The following CTNNAL1 variants were observed in gnomAD, a reference collection of about 807,000 sequenced individuals.
CTNNAL1 encodes catenin alpha like 1, also known as alpha-catulin.
A neutral mutation model predicts 93.6 loss-of-function variants in CTNNAL1; 69 were observed. That is an observed-to-expected ratio of 0.74 (90% confidence interval 0.61 to 0.90). The LOEUF (loss-of-function observed/expected upper bound fraction) is 0.90, where lower values mean the gene tolerates loss of function less well. CTNNAL1 is among the 40% of genes least tolerant of loss of function. The pLI, the probability that CTNNAL1 is intolerant of heterozygous loss-of-function variation, is 0.00. For missense variants in CTNNAL1, 836 were observed against 862.0 expected (o/e 0.97, Z 0.38); for synonymous variants, 286 against 305.4 (o/e 0.94, Z 0.66).
chr9:109,004,770 A>G (rs1435727885), intron 1 of CTNNAL1, among the ~76,000 whole-genome samples: 1 of 152,046 alleles, frequency 6.6e-6, no homozygotes, highest in Non-Finnish European at 1.5e-5. Context: ...CGGGTGACAG[A>G]GCGAGACTCT....
At chr9:109,001,621 G>A (rs1414164991) in intron 1 of CTNNAL1, among the ~76,000 whole-genome samples, 1 of 152,222 alleles carries the variant, frequency 6.6e-6, no homozygotes, top group Non-Finnish European at 1.5e-5. Flanking sequence ...AGGCACTCAA[G>A]CAACCCTATG....
intron 4 of CTNNAL1, among the ~76,000 whole-genome samples, chr9:108,988,037 T>C (rs1010685503): frequency 6.6e-6 from 1 of 152,218 alleles, no homozygotes; most frequent in South Asian, 2.1e-4. Flanking sequence ...TCCTGCCTAA[T>C]TGCCCTGGCC....
intron 8 of CTNNAL1, among the ~76,000 whole-genome samples, chr9:108,975,397 G>C (rs1487483202): frequency 6.6e-6 from 1 of 152,062 alleles, no homozygotes. Context: ...ATGAGAGTGA[G>C]AGTCCACTGT....
chr9:108,951,088 C>G (rs1830550227), intron 14 of CTNNAL1, among the ~76,000 whole-genome samples: 1 of 151,946 alleles, frequency 6.6e-6, no homozygotes, highest in Non-Finnish European at 1.5e-5. Flanking sequence ...TCAGCTCACT[C>G]CAAGCTCCAC....
At chr9:108,949,081 C>T (rs908532378) in intron 14 of CTNNAL1, among the ~76,000 whole-genome samples, 4 of 152,122 alleles carry the variant, frequency 2.6e-5, no homozygotes, top group Non-Finnish European at 2.9e-5. Flanking sequence ...TGAATGATTA[C>T]ATGTAAATCA....
intron 1 of CTNNAL1, among the ~76,000 whole-genome samples, chr9:109,010,791 G>A (rs755786321): frequency 1.6e-4 from 24 of 152,292 alleles, no homozygotes; most frequent in Non-Finnish European, 2.9e-4. Flanking sequence ...AATAGAAACT[G>A]TCTACTTTAA....
chr9:108,972,866 G>C (rs1037296864), intron 8 of CTNNAL1, 33 bp from the exon 9 acceptor site: 1 of 1,373,264 alleles, frequency 7.3e-7, no homozygotes, highest in Non-Finnish European at 9.6e-7. Context: ...GGGGGTGGGA[G>C]GGTGGAGAAG....
chr9:108,977,651 A>T (rs191929444), intron 7 of CTNNAL1, among the ~76,000 whole-genome samples: 64 of 152,314 alleles, frequency 4.2e-4, no homozygotes, highest in Non-Finnish European at 1.6e-4. Flanking sequence ...CTGGGTTCAC[A>T]TCTATTTTGC....
At chr9:108,974,134 T>C (rs1237135675) in intron 8 of CTNNAL1, among the ~76,000 whole-genome samples, 2 of 152,156 alleles carry the variant, frequency 1.3e-5, no homozygotes, top group Non-Finnish European at 2.9e-5. Context: ...TCCTGCTCTA[T>C]GCAACGTCCT....
At chr9:108,987,778 C>T (rs1168808772) in intron 4 of CTNNAL1, among the ~76,000 whole-genome samples, 1 of 152,130 alleles carries the variant, frequency 6.6e-6, no homozygotes, top group Non-Finnish European at 1.5e-5. Context: ...GTATTTTATT[C>T]TCTTTGAAGC....
At chr9:108,963,402 T>G (rs1332747543) in intron 11 of CTNNAL1, 1 of 152,246 alleles carries the variant, frequency 6.6e-6, no homozygotes, top group Non-Finnish European at 1.5e-5. Context: ...CCTAGGGACA[T>G]GGAAGAAGTA....
intron 4 of CTNNAL1, among the ~76,000 whole-genome samples, chr9:108,985,008 G>A (rs369000964): frequency 6.6e-6 from 1 of 152,124 alleles, no homozygotes; most frequent in Non-Finnish European, 1.5e-5. Flanking sequence ...GATTGAAAAG[G>A]AACACCTAAG....
Position 108,952,448 on chromosome 9 carries a change from G to A in CTNNAL1, c.1676C>T (p.Ser559Phe). 6.2e-7 allele frequency: 1 copy of A among 1,614,184 alleles called. No individual in the cohort carries two copies. Among genetic ancestry groups the A allele is most frequent in the Non-Finnish European group, 8.5e-7 (1 of 1,180,032 alleles). ...LKSLKPDKPD[S>F]EEQAKIAKLG... is the part of the protein sequence containing the mutation. ...AGATGTAGGAATTGGTCTTACCTCA[G>A]AGTCAGGCTTGTCTGGCTTTAATGA... is the stretch of plus-strand genomic sequence containing the variant. Residue 559 changes from serine (S) to phenylalanine (F), a missense_variant, in exon 13 of 19, where the codon TCT becomes TTT. Physicochemically the swap from Ser to Phe is radical, Grantham distance 155 (BLOSUM62 -2). Coordinates refer to ENST00000325551, the MANE Select transcript of CTNNAL1 (RefSeq NM_003798.4).
intron 14 of CTNNAL1, chr9:108,950,728 T>C: frequency 8.5e-7 from 1 of 1,177,284 alleles, no homozygotes; most frequent in Admixed American, 2.8e-5. Context: ...AAAAATAAAT[T>C]GAACACATTA....
intron 10 of CTNNAL1, among the ~76,000 whole-genome samples, chr9:108,969,044 G>A (rs1831035908): frequency 6.6e-6 from 1 of 152,098 alleles, no homozygotes; most frequent in Admixed American, 6.5e-5. Context: ...GGCCGAGGCG[G>A]GGGGATCATG....
intron 11 of CTNNAL1, among the ~76,000 whole-genome samples, chr9:108,957,237 T>TC (rs1398496953): frequency 1.3e-5 from 2 of 151,686 alleles, no homozygotes; most frequent in Non-Finnish European, 2.9e-5. Context: ...CCTCCCACCT[T>TC]CCACCTCCTG....
intron 15 of CTNNAL1, among the ~76,000 whole-genome samples, chr9:108,945,463 CTTT>C (rs578073650): frequency 1.3e-4 from 18 of 135,426 alleles, no homozygotes; most frequent in Non-Finnish European, 1.9e-4. Flanking sequence ...GGTTTTCTTC[CTTT>C]TTTTTTTTTT....
chr9:109,013,459 C>T lies in CTNNAL1; in HGVS notation c.-17G>A. On this transcript the variant is annotated 5_prime_UTR_variant, in exon 1 of 19. Transcript: ENST00000325551. ...GGCGGCCATGGCCCTCGGTCTATCC[C>T]GCAGCCGGGACTCCGCGCCGCGGCG... 7.3e-7 allele frequency: 1 copy of T among 1,377,202 alleles called. No homozygotes were observed. The highest frequency in any genetic ancestry group is 1.5e-5 in the African/African-American group (1 of 65,378). 85.3% of individuals were successfully genotyped at this position (1,377,202 alleles called of 1,614,324 possible).
rs975254132 is a variant in CTNNAL1 at position 108,996,488 on chromosome 9, C to T, written c.331+2579G>A. Among the ~76,000 whole-genome samples, 4 of 152,238 alleles carry T rather than the reference C, an allele frequency of 2.6e-5. No individual in the cohort carries two copies. In the East Asian group the frequency reaches 7.7e-4, roughly 29 times the overall value. On this transcript the variant is annotated intron_variant, in intron 2 of 18. Transcript: ENST00000325551. ...CTGAGTGACACTAGGAGGAAGATGACATGTGGAGCCCATGAAACCTGACAG... is the reference window on the plus strand; with the variant it reads ...CTGAGTGACACTAGGAGGAAGATGATATGTGGAGCCCATGAAACCTGACAG...
Sources: gnomAD v4.1 joint callset for allele counts (sites outside exome capture counted in the v4.1 genomes callset) on GRCh38, gnomAD v4.1.1 for gene constraint, MANE v1.5 for transcripts, NCBI Gene and HGNC (gene_info 2026-07-23, HGNC 2026-07-21) for gene names.